Variants in ADCY5 observed in about 807,000 individuals in gnomAD.
ADCY5 encodes the protein adenylate cyclase type 5.
A neutral mutation model predicts 119.7 loss-of-function variants in ADCY5; 30 were observed. The observed-to-expected ratio is 0.25, with a 90% CI of 0.19 to 0.34. The LOEUF is 0.34. ADCY5 is among the 10% of genes least tolerant of loss of function. The pLI is 1.00. For missense variants in ADCY5, 1,324 were observed against 1,775.2 expected (o/e 0.75, Z 4.57); for synonymous variants, 753 against 762.2 (o/e 0.99, Z 0.20).
intron 4 of ADCY5, among the ~76,000 whole-genome samples, chr3:123,331,523 CCTGT>C (rs1369343042): frequency 6.6e-6 from 1 of 152,196 alleles, no homozygotes; most frequent in Non-Finnish European, 1.5e-5. Context: ...ACTGACTCAG[CCTGT>C]CTGAGACTTT....
chr3:123,421,162 C>G lies in ADCY5; in HGVS notation c.1134+26250G>C, dbSNP rs934917389. Among the ~76,000 whole-genome samples, 4 of 152,080 alleles carry G rather than the reference C, an allele frequency of 2.6e-5. No homozygotes were observed. In the South Asian group the frequency reaches 8.3e-4, roughly 32 times the overall value. On this transcript the variant is annotated intron_variant, in intron 1 of 20. Transcript: ENST00000462833. ...GAGACAGTTTAACATATAACAGACC[C>G]CAAGGATGGGAATCACTCCAGGTGC... is the stretch of plus-strand genomic sequence containing the variant.
At chr3:123,438,959 C>G (rs1369562630) in intron 1 of ADCY5, among the ~76,000 whole-genome samples, 1 of 151,990 alleles carries the variant, frequency 6.6e-6, no homozygotes, top group African/African-American at 2.4e-5. Context: ...ACTATTTTGC[C>G]CAGGCTGGTC....
At chr3:123,410,782 G>A (rs1344863382) in intron 1 of ADCY5, among the ~76,000 whole-genome samples, 2 of 152,108 alleles carry the variant, frequency 1.3e-5, no homozygotes, top group Non-Finnish European at 2.9e-5. Context: ...TGAGTAGCTA[G>A]GACTACAGGC....
chr3:123,433,909 T>C lies in ADCY5; in HGVS notation c.1134+13503A>G, dbSNP rs145496609. Among the ~76,000 whole-genome samples, 952 of 152,260 alleles carry C rather than the reference T, an allele frequency of 6.3e-3. 6 individuals are homozygous for C. Among genetic ancestry groups the C allele is most frequent in the Non-Finnish European group, 7.1e-3 (480 of 68,026 alleles). On this transcript the variant is annotated intron_variant, in intron 1 of 20. Coordinates refer to ENST00000462833, the MANE Select transcript of ADCY5 (RefSeq NM_183357.3). The stretch of plus-strand genomic sequence containing the variant: ...CATAAAACCACTCAGAAGCTCTTCA[T>C]AGGTAAACAGTTGATCCCAGCTGCC...
At chr3:123,435,849 CT>C (rs201159588) in intron 1 of ADCY5, among the ~76,000 whole-genome samples, 1 of 134,998 alleles carries the variant, frequency 7.4e-6, no homozygotes, top group Admixed American at 7.5e-5. Context: ...GGCAAGAGCC[CT>C]TTTATTATTA....
At chr3:123,366,232 G>C (rs1943432303) in intron 1 of ADCY5, among the ~76,000 whole-genome samples, 1 of 152,232 alleles carries the variant, frequency 6.6e-6, no homozygotes. Context: ...GGACAGCACT[G>C]CTGTTGTACA....
At chr3:123,427,501 G>A (rs1376380419) in intron 1 of ADCY5, among the ~76,000 whole-genome samples, 2 of 152,140 alleles carry the variant, frequency 1.3e-5, no homozygotes, top group Non-Finnish European at 2.9e-5. Flanking sequence ...TGTGAGGGTT[G>A]CCCTTTCCCA....
intron 14 of ADCY5, 89 bp from the exon 15 acceptor site, chr3:123,300,384 A>C: frequency 2.8e-6 from 4 of 1,425,820 alleles, no homozygotes; most frequent in Non-Finnish European, 3.8e-6. Flanking sequence ...GAGCTGGCTC[A>C]AGTGAGGCCT....
chr3:123,373,700 C>G (rs1236721407), intron 1 of ADCY5, among the ~76,000 whole-genome samples: 2 of 148,916 alleles, frequency 1.3e-5, no homozygotes, highest in African/African-American at 4.9e-5. Flanking sequence ...CTGGGCCCGG[C>G]TTTCATCACC....
chr3:123,403,137 C>A (rs370536552), intron 1 of ADCY5, among the ~76,000 whole-genome samples: 3 of 152,026 alleles, frequency 2.0e-5, no homozygotes, highest in Non-Finnish European at 4.4e-5. Flanking sequence ...CCCAGCATTT[C>A]GGGGGGCCGC....
intron 1 of ADCY5, among the ~76,000 whole-genome samples, chr3:123,443,252 G>A (rs995351061): frequency 1.3e-5 from 2 of 152,060 alleles, no homozygotes; most frequent in African/African-American, 4.8e-5. Context: ...AGTCAGAAGA[G>A]CCCCAGGTAC....
At chr3:123,386,779 C>T (rs1256836882) in intron 1 of ADCY5, among the ~76,000 whole-genome samples, 3 of 152,208 alleles carry the variant, frequency 2.0e-5, no homozygotes, top group South Asian at 2.1e-4. Context: ...TGCCTGCCAG[C>T]GCCCCCGACC....
intron 12 of ADCY5, among the ~76,000 whole-genome samples, chr3:123,305,297 C>G (rs1004979091): frequency 6.6e-6 from 1 of 152,192 alleles, no homozygotes; most frequent in Non-Finnish European, 1.5e-5. Context: ...CACAAGGCTT[C>G]TCCATCCCGA....
intron 11 of ADCY5, among the ~76,000 whole-genome samples, chr3:123,317,747 A>AC (rs1435830312): frequency 3.2e-4 from 31 of 96,432 alleles, no homozygotes; most frequent in African/African-American, 9.2e-4. Context: ...CACCACGCCG[A>AC]CCCAAAAAAA....
intron 1 of ADCY5, among the ~76,000 whole-genome samples, chr3:123,365,605 C>G (rs1943409103): frequency 1.3e-5 from 2 of 152,250 alleles, no homozygotes; most frequent in South Asian, 4.2e-4. Context: ...CCGGGAGGAG[C>G]TGGCTTTGGA....
chr3:123,286,453 T>C lies in ADCY5; in HGVS notation c.3657+232A>G, dbSNP rs1198426371. On this transcript the variant is annotated intron_variant, in intron 20 of 20. Transcript: ENST00000462833. This position sits in a 1 kb window ranked among gnomAD's most constrained non-coding sequence, Gnocchi z 4.2. ...TCCCAGCAGCCCCCAGTCCCTTCCA[T>C]GCCCAGTAGAGGGCTCTGCAGAAGC... Among the ~76,000 whole-genome samples, 1 of 152,206 alleles carries C rather than the reference T, an allele frequency of 6.6e-6. No homozygotes were observed. Among genetic ancestry groups the C allele is most frequent in the African/African-American group, 2.4e-5 (1 of 41,462 alleles).
At chr3:123,305,141 G>T (rs754066536) in intron 12 of ADCY5, among the ~76,000 whole-genome samples, 1 of 152,156 alleles carries the variant, frequency 6.6e-6, no homozygotes, top group Admixed American at 6.6e-5. Flanking sequence ...TGAGCAAGCC[G>T]CATCCCATCT....
At chr3:123,439,075 G>GTTTTTTTTTTTTTTTTTT (rs1553750271) in intron 1 of ADCY5, among the ~76,000 whole-genome samples, 7 of 2,788 alleles carry the variant, frequency 2.5e-3, no homozygotes, top group Non-Finnish European at 5.8e-3. Flanking sequence ...ACCCTAAAGT[G>GTTTTTTTTTTTTTTTTTT]CTTTTTTTTT....
chr3:123,364,540 G>C (rs1257399053), intron 1 of ADCY5, among the ~76,000 whole-genome samples: 1 of 152,024 alleles, frequency 6.6e-6, no homozygotes, highest in Non-Finnish European at 1.5e-5. Context: ...GCTACACTGG[G>C]AACACCAGGT....
Sources: gnomAD v4.1 joint callset for allele counts (sites outside exome capture counted in the v4.1 genomes callset) on GRCh38, gnomAD v4.1.1 for gene constraint, Gnocchi (gnomAD v3.1) non-coding constraint, MANE v1.5 for transcripts, NCBI Gene and HGNC (gene_info 2026-07-23, HGNC 2026-07-21) for gene names.